Variants in ZNRF1 observed in about 807,000 individuals in gnomAD.
ZNRF1 encodes the protein zinc and ring finger 1, also known as E3 ubiquitin-protein ligase ZNRF1.
Under a neutral mutation model 18.4 loss-of-function variants are expected in ZNRF1, and 3 were observed. The ratio of observed to expected loss-of-function variants is 0.16; its 90% CI spans 0.07 to 0.42. ZNRF1 has a LOEUF of 0.42. Ranked by LOEUF, ZNRF1 falls within the 10% of genes least tolerant of loss-of-function variation. The pLI, the probability that ZNRF1 is intolerant of heterozygous loss-of-function variation, is 0.99. For synonymous variants in ZNRF1, 157 were observed against 144.2 expected (o/e 1.09, Z -0.64); for missense variants, 310 against 329.8 (o/e 0.94, Z 0.47).
At chr16:75,031,708 C>G (rs2035306825) in intron 1 of ZNRF1, among the ~76,000 whole-genome samples, 1 of 151,970 alleles carries the variant, frequency 6.6e-6, no homozygotes, top group Non-Finnish European at 1.5e-5. Flanking sequence ...GGGCATGTTG[C>G]CCAGGCTGTT....
At chr16:75,041,781 G>C (rs892358895) in intron 1 of ZNRF1, among the ~76,000 whole-genome samples, 6 of 149,300 alleles carry the variant, frequency 4.0e-5, no homozygotes, top group Non-Finnish European at 8.9e-5. Context: ...TCAGGAGTTC[G>C]AGACCAGCCT....
At chr16:75,059,550 T>C (rs2035717174) in intron 1 of ZNRF1, among the ~76,000 whole-genome samples, 1 of 152,108 alleles carries the variant, frequency 6.6e-6, no homozygotes, top group African/African-American at 2.4e-5. Context: ...CAGAGAAAAC[T>C]ACCCATCTTC....
At chr16:75,080,015 A>C (rs552270067) in intron 1 of ZNRF1, among the ~76,000 whole-genome samples, 1 of 152,340 alleles carries the variant, frequency 6.6e-6, no homozygotes. Flanking sequence ...TCCCGGGTTC[A>C]AGCGATTCTC....
At chr16:75,100,813 A>G (rs1401493955) in intron 2 of ZNRF1, among the ~76,000 whole-genome samples, 4 of 152,220 alleles carry the variant, frequency 2.6e-5, no homozygotes, top group Non-Finnish European at 5.9e-5. Context: ...GAGAGTGGGG[A>G]ATACAGGTCC....
chr16:75,108,450 T>G lies in ZNRF1; in HGVS notation c.*750T>G. The G allele has an allele frequency of 2.5e-6, 1 of 397,318 alleles. No homozygotes were observed. Among genetic ancestry groups the G allele is most frequent in the Non-Finnish European group, 4.4e-6 (1 of 225,496 alleles). The allele number at this position is 397,318 out of a possible 1,614,324, so 24.6% of individuals were successfully genotyped here. On this transcript the variant is annotated 3_prime_UTR_variant, in exon 5 of 5. Coordinates refer to ENST00000335325, the MANE Select transcript of ZNRF1 (RefSeq NM_032268.5). The stretch of plus-strand genomic sequence containing the variant: ...ATTCTTAGGCCCTCGTGGATTTTTT[T>G]TTTCAGAAAACTTAAACAAAAAAAG...
chr16:75,086,746 A>C (rs2036079298), intron 1 of ZNRF1, among the ~76,000 whole-genome samples: 1 of 152,196 alleles, frequency 6.6e-6, no homozygotes, highest in South Asian at 2.1e-4. Context: ...ACTGAATGCT[A>C]AGGGCAAAGT....
intron 1 of ZNRF1, among the ~76,000 whole-genome samples, chr16:75,004,465 A>G (rs560876054): frequency 2.6e-5 from 4 of 152,228 alleles, no homozygotes; most frequent in Admixed American, 2.0e-4. Flanking sequence ...TCTAGGTTCT[A>G]CTATAAAAGG....
chr16:75,046,802 TC>T (rs1373935224), intron 1 of ZNRF1: 2 of 153,656 alleles, frequency 1.3e-5, no homozygotes, highest in African/African-American at 4.8e-5. Flanking sequence ...GGTCTTGATC[TC>T]CTGACCTCAT....
At chr16:75,028,187 G>A (rs561242604) in intron 1 of ZNRF1, among the ~76,000 whole-genome samples, 2 of 152,194 alleles carry the variant, frequency 1.3e-5, no homozygotes, top group South Asian at 2.1e-4. Context: ...CATTCCTATT[G>A]GCATACTAAC....
At chr16:75,038,638 T>C (rs2035403387) in intron 1 of ZNRF1, among the ~76,000 whole-genome samples, 1 of 152,206 alleles carries the variant, frequency 6.6e-6, no homozygotes, top group African/African-American at 2.4e-5. Flanking sequence ...AACACTTTCC[T>C]TGGGGAGCTT....
At chr16:75,033,850 A>G (rs1485108965) in intron 1 of ZNRF1, among the ~76,000 whole-genome samples, 1 of 152,200 alleles carries the variant, frequency 6.6e-6, no homozygotes. Context: ...TACACTTAGC[A>G]TAAAAATTAC....
chr16:75,033,802 A>T (rs748522592), intron 1 of ZNRF1, among the ~76,000 whole-genome samples: 7 of 152,142 alleles, frequency 4.6e-5, no homozygotes, highest in Non-Finnish European at 1.0e-4. Flanking sequence ...TTCTTCTTTG[A>T]TGTTGTTTAA....
intron 1 of ZNRF1, among the ~76,000 whole-genome samples, chr16:75,038,747 G>T (rs2035405353): frequency 6.6e-6 from 1 of 152,210 alleles, no homozygotes; most frequent in East Asian, 1.9e-4. Context: ...ACGATCTGCA[G>T]TCTGGCTCTT....
At chr16:75,052,163 C>T (rs1449076250) in intron 1 of ZNRF1, among the ~76,000 whole-genome samples, 2 of 152,148 alleles carry the variant, frequency 1.3e-5, no homozygotes, top group Non-Finnish European at 2.9e-5. Context: ...CTTTGGGAGG[C>T]CAAGGCTGGA....
chr16:75,066,678 A>G (rs910866679), intron 1 of ZNRF1, among the ~76,000 whole-genome samples: 1 of 151,892 alleles, frequency 6.6e-6, no homozygotes, highest in African/African-American at 2.4e-5. Context: ...AATTTTTTGT[A>G]TTTTTAGTAG....
chr16:75,008,630 T>G (rs2034955242), intron 1 of ZNRF1, among the ~76,000 whole-genome samples: 1 of 152,204 alleles, frequency 6.6e-6, no homozygotes, highest in Non-Finnish European at 1.5e-5. Flanking sequence ...AAACGTTCAT[T>G]TATTCCATTG....
rs371882070 is a variant in ZNRF1 at position 75,044,618 on chromosome 16, A to C, written c.424+44523A>C. 1.9e-4 allele frequency among the ~76,000 whole-genome samples: 29 copies of C among 151,868 alleles called. 2 individuals carry two copies. The highest frequency in any genetic ancestry group is 1.3e-3 in the South Asian group (6 of 4,788). On this transcript the variant is annotated intron_variant, in intron 1 of 4. Transcript: ENST00000335325. The stretch of plus-strand genomic sequence containing the variant: ...TGGCCTCAAGCGATCCTCCTGCCTC[A>C]TAAAGTGCTGGGATTACAGATGTGA...
At chr16:75,066,607 A>T (rs1400425765) in intron 1 of ZNRF1, among the ~76,000 whole-genome samples, 1 of 152,156 alleles carries the variant, frequency 6.6e-6, no homozygotes, top group Admixed American at 6.5e-5. Flanking sequence ...GGTTCAAGCA[A>T]TTCTCCTGTC....
At chr16:75,028,771 A>G (rs189607440) in intron 1 of ZNRF1, among the ~76,000 whole-genome samples, 11 of 152,308 alleles carry the variant, frequency 7.2e-5, no homozygotes, top group Middle Eastern at 3.4e-3. Flanking sequence ...CCAGTAGCCT[A>G]TTGTCAGTTC....
Sources: gnomAD v4.1 joint callset for allele counts (sites outside exome capture counted in the v4.1 genomes callset) on GRCh38, gnomAD v4.1.1 for gene constraint, MANE v1.5 for transcripts, NCBI Gene and HGNC (gene_info 2026-07-23, HGNC 2026-07-21) for gene names.